Variants in ZNF451 observed in about 807,000 individuals in gnomAD.
ZNF451 encodes zinc finger protein 451.
Under a neutral mutation model 107.1 loss-of-function variants are expected in ZNF451, and 80 were observed. The ratio of observed to expected loss-of-function variants is 0.75; its 90% CI spans 0.62 to 0.90. The LOEUF is 0.90. ZNF451 is among the 40% of genes least tolerant of loss of function. The pLI is 0.00. For missense variants in ZNF451, 1,107 were observed against 1,236.2 expected (o/e 0.90, Z 1.57); for synonymous variants, 362 against 406.5 (o/e 0.89, Z 1.32).
chr6:57,124,433 C>T (rs545222268), intron 3 of ZNF451: 47 of 715,984 alleles, frequency 6.6e-5, no homozygotes, highest in Admixed American at 4.4e-4. Flanking sequence ...TTTTAGGGGT[C>T]GGCGCTTTGC....
chr6:57,161,071 T>G lies in ZNF451; in HGVS notation c.3071-13T>G. On this transcript the variant is annotated splice_polypyrimidine_tract_variant and intron_variant, in intron 13 of 14. Transcript: ENST00000370706. ...ATGGCACAATAACTGCATGTATTGA[T>G]TCTTCTTTACAGAATGTGACAGTGA... 1 of 1,525,340 alleles carries G rather than the reference T, an allele frequency of 6.6e-7. No homozygotes were observed. The highest frequency in any genetic ancestry group is 8.8e-7 in the Non-Finnish European group (1 of 1,138,126). 94.5% of individuals were successfully genotyped at this position (1,525,340 alleles called of 1,614,324 possible). A position where few individuals can be genotyped will look rare whatever the true frequency, so the allele number is the denominator to read the frequency against.
chr6:57,159,348 G>A (rs2127986710), intron 13 of ZNF451: 1 of 985,342 alleles, frequency 1.0e-6, no homozygotes, highest in Middle Eastern at 5.2e-4. Context: ...ATAACATGCT[G>A]CTTTTGACTG....
intron 7 of ZNF451, among the ~76,000 whole-genome samples, chr6:57,137,556 G>T (rs1831496042): frequency 6.6e-6 from 1 of 152,112 alleles, no homozygotes; most frequent in Non-Finnish European, 1.5e-5. Context: ...GTTTCTAGTG[G>T]CTTTTGACAC....
intron 13 of ZNF451, 103 bp from the exon 14 acceptor site, chr6:57,160,981 G>A (rs922935878): frequency 8.9e-6 from 6 of 670,860 alleles, no homozygotes; most frequent in Non-Finnish European, 1.5e-5. Flanking sequence ...CTAATGAACT[G>A]TATTATAATG....
chr6:57,168,540 C>A lies in ZNF451; in HGVS notation c.*71C>A. 8.2e-7 allele frequency: 1 copy of A among 1,216,126 alleles called. No homozygotes were observed. The highest frequency in any genetic ancestry group is 1.2e-6 in the Non-Finnish European group (1 of 837,736). 75.3% of individuals were successfully genotyped at this position (1,216,126 alleles called of 1,614,324 possible). On this transcript the variant is annotated 3_prime_UTR_variant, in exon 15 of 15. Transcript: ENST00000370706. ...GATAACGAATTCTTGAGTTTGTTTT[C>A]TAAAGGAGACCAGAAATCCACTATT...
chr6:57,159,375 G>T, intron 13 of ZNF451: 1 of 985,384 alleles, frequency 1.0e-6, no homozygotes, highest in East Asian at 1.1e-4. Flanking sequence ...ACTTTAAATT[G>T]TAATAACAGA....
At position 57,124,798 on chromosome 6, in the gene ZNF451, G is replaced by A. The variant is rs763095241; in HGVS notation, c.251G>A (p.Arg84His). 6.2e-6 allele frequency: 10 copies of A among 1,611,132 alleles called. No individual in the cohort carries two copies. Among genetic ancestry groups the A allele is most frequent in the Non-Finnish European group, 8.5e-6 (10 of 1,177,854 alleles). The change falls in exon 4 of 15, where the codon CGT becomes CAT. Residue 84 changes from arginine to histidine, a missense_variant. Physicochemically the swap from Arg to His is conservative, Grantham distance 29 (BLOSUM62 0). Transcript: ENST00000370706. ...QKDKVALTLARLARHVEVEKQ... is the reference protein window; with the variant it reads ...QKDKVALTLAHLARHVEVEKQ... ...GATAAAGTTGCTTTAACTCTGGCTC[G>A]TCTAGCCCGCCATGTTGAAGTGGAG... is the stretch of plus-strand genomic sequence containing the variant.
intron 9 of ZNF451, among the ~76,000 whole-genome samples, chr6:57,143,428 C>G (rs1831882105): frequency 6.6e-6 from 1 of 152,074 alleles, no homozygotes; most frequent in South Asian, 2.1e-4. Context: ...GTTGTTTGCC[C>G]ATTTTCTAGT....
intron 3 of ZNF451, chr6:57,102,367 G>A (rs1829649991): frequency 7.2e-6 from 8 of 1,112,866 alleles, no homozygotes; most frequent in Non-Finnish European, 3.3e-6. Flanking sequence ...AATAAGTGTG[G>A]AGGAGGACCA....
At position 57,141,414 on chromosome 6, in the gene ZNF451, T is replaced by C; in HGVS notation, c.815T>C (p.Met272Thr). 1 of 1,613,204 alleles carries C rather than the reference T, an allele frequency of 6.2e-7. No homozygotes were observed. Among genetic ancestry groups the C allele is most frequent in the Non-Finnish European group, 8.5e-7 (1 of 1,179,528 alleles). Residue 272 changes from methionine to threonine, a missense_variant, in exon 8 of 15, where the codon ATG becomes ACG. Coordinates refer to ENST00000370706, the MANE Select transcript of ZNF451 (RefSeq NM_001031623.3). ...AGAAAGGAGGAGTGTTCAAAGCATA[T>C]GTCTGGAAAGAATCATTTCCATCAG... is the stretch of plus-strand genomic sequence containing the variant. ...FSRKEECSKH[M>T]SGKNHFHQSF...
In ZNF451 at chr6:57,141,312, A is replaced by C. The variant is rs766613708; in HGVS notation, c.713A>C (p.Asp238Ala). The change falls in exon 8 of 15, where the codon GAT (aspartate) becomes GCT (alanine). Residue 238 changes from aspartate (D) to alanine (A), a missense_variant. By Grantham distance (126) the Asp-to-Ala change is moderately radical. Coordinates refer to ENST00000370706, the MANE Select transcript of ZNF451 (RefSeq NM_001031623.3). The part of the protein sequence containing the change: ...RDHLFDKEAT[D>A]DGHNNNLLPQ... ...TGTCTTATATTTTAGGAAGCCACAG[A>C]TGATGGACATAACAACAACCTTCTT... is the stretch of plus-strand genomic sequence containing the variant. 1.6e-5 allele frequency: 26 copies of C among 1,608,538 alleles called. No homozygotes were observed. The highest frequency in any genetic ancestry group is 2.2e-5 in the Non-Finnish European group (26 of 1,177,052).
intron 6 of ZNF451, chr6:57,134,334 G>A (rs1831329047): frequency 1.3e-5 from 2 of 155,458 alleles, no homozygotes; most frequent in Non-Finnish European, 2.9e-5. Context: ...AAGCCATTAT[G>A]GGAAACAAGT....
intron 14 of ZNF451, among the ~76,000 whole-genome samples, chr6:57,161,728 T>C (rs1763682892): frequency 6.6e-6 from 1 of 152,170 alleles, no homozygotes; most frequent in African/African-American, 2.4e-5. Context: ...GGAGTCTTAC[T>C]CTGTCACCCA....
At position 57,128,727 on chromosome 6, in the gene ZNF451, A is replaced by AG; in HGVS notation, c.313dup. The AG allele has an allele frequency of 6.2e-7, 1 of 1,603,014 alleles. No homozygotes were observed. The highest frequency in any genetic ancestry group is 1.1e-5 in the South Asian group (1 of 89,274). On this transcript the variant is annotated splice_acceptor_variant, in intron 4 of 14. Transcript: ENST00000370706. LOFTEE classifies it high-confidence loss of function. ...AATTGAGTTTTTTCTTAATGTCTTC[A>AG]GGAAAAAATTGATTTTCAGCATGCT...
Position 57,134,931 on chromosome 6 carries a change from G to A in ZNF451, c.702+61G>A, listed in dbSNP as rs189213251. 7.5e-4 allele frequency: 1,068 copies of A among 1,424,248 alleles called. 1 individual carries two copies. Among genetic ancestry groups the A allele is most frequent in the Non-Finnish European group, 1.0e-3 (1,049 of 1,045,126 alleles). The allele number at this position is 1,424,248 out of a possible 1,614,324, so 88.2% of individuals were successfully genotyped here. A position where few individuals can be genotyped will look rare whatever the true frequency, so the allele number is the denominator to read the frequency against. On this transcript the variant is annotated intron_variant, in intron 7 of 14. Coordinates refer to ENST00000370706, the MANE Select transcript of ZNF451 (RefSeq NM_001031623.3). ...CTAGATAGCCATGGAGTTAAGTGGAGGTTTTTTCCTGCTGTTCTTAAGCTT... is the reference window on the plus strand; with the variant it reads ...CTAGATAGCCATGGAGTTAAGTGGAAGTTTTTTCCTGCTGTTCTTAAGCTT...
At chr6:57,155,542 A>T (rs1353001835) in intron 13 of ZNF451, among the ~76,000 whole-genome samples, 2 of 152,274 alleles carry the variant, frequency 1.3e-5, no homozygotes, top group South Asian at 2.1e-4. Context: ...CCCAGTTCTC[A>T]ACATCTACTT....
chr6:57,102,224 C>G, intron 3 of ZNF451: 2 of 1,394,808 alleles, frequency 1.4e-6, no homozygotes, highest in Non-Finnish European at 1.8e-6. Flanking sequence ...GGAATGATCA[C>G]AGCTGACATT....
At chr6:57,151,515 A>G (rs1832348673) in intron 11 of ZNF451, 1 of 152,186 alleles carries the variant, frequency 6.6e-6, no homozygotes, top group African/African-American at 2.4e-5. Flanking sequence ...CCCTTTTAAA[A>G]TACAAAGAAG....
At chr6:57,120,154 G>A (rs1830570514) in intron 3 of ZNF451, among the ~76,000 whole-genome samples, 1 of 152,146 alleles carries the variant, frequency 6.6e-6, no homozygotes, top group South Asian at 2.1e-4. Flanking sequence ...TCCAGAATGT[G>A]ATATGTGGCC....
Sources: gnomAD v4.1 joint callset for allele counts (sites outside exome capture counted in the v4.1 genomes callset) on GRCh38, gnomAD v4.1.1 for gene constraint, MANE v1.5 for transcripts, NCBI Gene and HGNC (gene_info 2026-07-23, HGNC 2026-07-21) for gene names.